Variants in MIPEP observed in about 807,000 individuals in gnomAD.
MIPEP encodes the protein mitochondrial intermediate peptidase.
Under a neutral mutation model 90.3 loss-of-function variants are expected in MIPEP, and 79 were observed. The ratio of observed to expected loss-of-function variants is 0.87; its 90% CI spans 0.73 to 1.05. The LOEUF (loss-of-function observed/expected upper bound fraction) is 1.05. Ranked by LOEUF, MIPEP falls within the 50% of genes least tolerant of loss-of-function variation. The pLI, the probability that MIPEP is intolerant of heterozygous loss-of-function variation, is 0.00. For missense variants in MIPEP, 940 were observed against 905.6 expected (o/e 1.04, Z -0.49); for synonymous variants, 334 against 315.8 (o/e 1.06, Z -0.61).
rs770094370 is a variant in MIPEP, at chr13:23,862,352, C to T, written c.1003G>A (p.Asp335Asn). ...TTCATCCCTCGTATCATCTCAAAAT[C>T]TTTCAGAGTTCTATAAAACAGGTTT... The part of the protein sequence containing the change: ...SDKLSERTLK[D>N]FEMIRGMKMK... Residue 335 changes from aspartate (D) to asparagine (N), a missense_variant, in exon 9 of 19, where the codon GAT becomes AAT. Transcript: ENST00000382172. 5.4e-5 allele frequency: 85 copies of T among 1,578,894 alleles called. 1 individual carries two copies. In the South Asian group the frequency reaches 8.9e-4, roughly 17 times the overall value.
intron 14 of MIPEP, among the ~76,000 whole-genome samples, chr13:23,816,688 G>A (rs1248977821): frequency 6.6e-6 from 1 of 152,150 alleles, no homozygotes; most frequent in Non-Finnish European, 1.5e-5. Flanking sequence ...TTATTGATTA[G>A]CTTTATCTTG....
intron 18 of MIPEP, among the ~76,000 whole-genome samples, chr13:23,733,162 T>C (rs1238052463): frequency 6.6e-6 from 1 of 152,196 alleles, no homozygotes; most frequent in Non-Finnish European, 1.5e-5. Context: ...AAGTAAACTG[T>C]AGATGCTAAT....
At chr13:23,753,529 T>C (rs1206272076) in intron 18 of MIPEP, among the ~76,000 whole-genome samples, 1 of 152,234 alleles carries the variant, frequency 6.6e-6, no homozygotes, top group Non-Finnish European at 1.5e-5. Context: ...TCACTCTATG[T>C]AAAGTTAAGT....
chr13:23,868,371 C>T (rs1279307664), intron 7 of MIPEP, among the ~76,000 whole-genome samples: 6 of 151,886 alleles, frequency 4.0e-5, no homozygotes, highest in African/African-American at 1.2e-4. Context: ...CAGTTGTTTA[C>T]GAAAGAGTAA....
intron 4 of MIPEP, among the ~76,000 whole-genome samples, chr13:23,878,883 C>T (rs138575268): frequency 1.3e-3 from 194 of 152,296 alleles, no homozygotes; most frequent in African/African-American, 4.5e-3. Context: ...GGAGTCCACT[C>T]ATTAGTTGAG....
chr13:23,792,652 C>A (rs1338656571), intron 16 of MIPEP, among the ~76,000 whole-genome samples: 2 of 152,266 alleles, frequency 1.3e-5, no homozygotes, highest in African/African-American at 4.8e-5. Flanking sequence ...GCCACGATGT[C>A]TGGCCGTCTT....
chr13:23,800,637 T>C (rs904512614), intron 16 of MIPEP, among the ~76,000 whole-genome samples: 2 of 152,206 alleles, frequency 1.3e-5, no homozygotes, highest in Non-Finnish European at 2.9e-5. Flanking sequence ...TATCAATAAA[T>C]TGCCGACACT....
chr13:23,781,638 C>T (rs1366133463), intron 16 of MIPEP, among the ~76,000 whole-genome samples: 1 of 145,938 alleles, frequency 6.9e-6, no homozygotes, highest in Admixed American at 6.8e-5. Context: ...CTAAATGCTC[C>T]AATTAAAAGA....
At chr13:23,736,704 G>C (rs1256358732) in intron 18 of MIPEP, among the ~76,000 whole-genome samples, 1 of 152,144 alleles carries the variant, frequency 6.6e-6, no homozygotes, top group Non-Finnish European at 1.5e-5. Context: ...GACTTGACCT[G>C]CAGACAGCTG....
intron 14 of MIPEP, among the ~76,000 whole-genome samples, chr13:23,828,942 T>C (rs1868604392): frequency 6.6e-6 from 1 of 152,238 alleles, no homozygotes; most frequent in Admixed American, 6.5e-5. Context: ...CTTATTACTA[T>C]AACTTATTCC....
At chr13:23,831,652 T>C (rs1180969544) in intron 14 of MIPEP, among the ~76,000 whole-genome samples, 3 of 152,112 alleles carry the variant, frequency 2.0e-5, no homozygotes, top group African/African-American at 7.2e-5. Flanking sequence ...CCTGCTCTCG[T>C]GGGAACTGAT....
At chr13:23,753,075 A>T (rs1003659328) in intron 18 of MIPEP, among the ~76,000 whole-genome samples, 2 of 152,110 alleles carry the variant, frequency 1.3e-5, no homozygotes, top group Non-Finnish European at 2.9e-5. Context: ...TAAAAATACA[A>T]AAATTAGCTG....
rs115882463 is a variant in MIPEP, at chr13:23,740,904, G to A, written c.2045-10459C>T. Among the ~76,000 whole-genome samples, 430 of 152,258 alleles carry A rather than the reference G, an allele frequency of 2.8e-3. 4 individuals carry two copies. The highest frequency in any genetic ancestry group is 8.8e-3 in the African/African-American group (364 of 41,534). On this transcript the variant is annotated intron_variant, in intron 18 of 18. Coordinates refer to ENST00000382172, the MANE Select transcript of MIPEP (RefSeq NM_005932.4). ...TTGTGGAGTCGGGGAAGGAAGTATCGCTGCTTGTGGGTTTCAAAGATGCAA... is the reference window on the plus strand; with the variant it reads ...TTGTGGAGTCGGGGAAGGAAGTATCACTGCTTGTGGGTTTCAAAGATGCAA...
chr13:23,758,538 A>T (rs989975422), intron 17 of MIPEP, among the ~76,000 whole-genome samples: 4 of 152,198 alleles, frequency 2.6e-5, no homozygotes, highest in Non-Finnish European at 4.4e-5. Flanking sequence ...TATTTTGCCT[A>T]TTTTACAGAA....
rs562981178 is a variant in MIPEP, at chr13:23,843,074, C to T, written c.1107-1586G>A. 1.6e-4 allele frequency among the ~76,000 whole-genome samples: 20 copies of T among 122,890 alleles called. No homozygotes were observed. In the East Asian group the frequency reaches 3.5e-3, roughly 22 times the overall value. The allele number at this position is 122,890 out of a possible 152,430, so 80.6% of individuals were successfully genotyped here. A position where few individuals can be genotyped will look rare whatever the true frequency, so the allele number is the denominator to read the frequency against. The stretch of plus-strand genomic sequence containing the variant: ...TTGTGCCACTGCACTCCAGCCTGGG[C>T]GACAGAGCAAGACTCTCCATCTCAA... On this transcript the variant is annotated intron_variant, in intron 10 of 18. Coordinates refer to ENST00000382172, the MANE Select transcript of MIPEP (RefSeq NM_005932.4).
chr13:23,771,279 TGC>T (rs923115493), intron 16 of MIPEP, among the ~76,000 whole-genome samples: 1 of 152,192 alleles, frequency 6.6e-6, no homozygotes, highest in African/African-American at 2.4e-5. Context: ...GTTTGTCAGC[TGC>T]TAACAGAATC....
At chr13:23,804,112 T>G (rs760930700) in intron 16 of MIPEP, among the ~76,000 whole-genome samples, 1 of 152,226 alleles carries the variant, frequency 6.6e-6, no homozygotes, top group Non-Finnish European at 1.5e-5. Flanking sequence ...CAGAATTTGG[T>G]TGCCACTAAT....
At chr13:23,760,882 C>T (rs1401011042) in intron 16 of MIPEP, among the ~76,000 whole-genome samples, 8 of 152,104 alleles carry the variant, frequency 5.3e-5, no homozygotes, top group Non-Finnish European at 1.2e-4. Flanking sequence ...TGACTATCTA[C>T]AAAAACAGTA....
chr13:23,764,203 C>T (rs1038282583), intron 16 of MIPEP, among the ~76,000 whole-genome samples: 2 of 152,162 alleles, frequency 1.3e-5, no homozygotes, highest in African/African-American at 2.4e-5. Flanking sequence ...TTTTCAAATC[C>T]TATTGCTGTC....
Sources: gnomAD v4.1 joint callset for allele counts (sites outside exome capture counted in the v4.1 genomes callset) on GRCh38, gnomAD v4.1.1 for gene constraint, MANE v1.5 for transcripts, NCBI Gene and HGNC (gene_info 2026-07-23, HGNC 2026-07-21) for gene names.